TPO: variants seen among roughly 807,000 people sequenced by gnomAD.
The protein encoded by TPO is thyroid microsomal antigen.
A neutral mutation model predicts 96.9 loss-of-function variants in TPO; 78 were observed. That is an observed-to-expected ratio of 0.81 (90% CI 0.67 to 0.97). TPO has a LOEUF of 0.97. TPO is among the 50% of genes least tolerant of loss of function. TPO has a pLI of 0.00. For synonymous variants in TPO, 547 were observed against 538.0 expected, an observed-to-expected ratio of 1.02 and a Z score of -0.23; for missense variants, 1,252 against 1,274.8, an observed-to-expected ratio of 0.98 and a Z score of 0.27.
intron 5 of TPO, among the ~76,000 whole-genome samples, chr2:1,453,451 A>G (rs920036835): frequency 2.0e-5 from 3 of 152,084 alleles, no homozygotes; most frequent in Non-Finnish European, 2.9e-5. Flanking sequence ...CCACCTCCAG[A>G]CAGCATGTGC....
chr2:1,375,627 G>T (rs1344496836), intron 1 of TPO, among the ~76,000 whole-genome samples: 1 of 152,116 alleles, frequency 6.6e-6, no homozygotes, highest in Non-Finnish European at 1.5e-5. Flanking sequence ...GCCTGTTTGG[G>T]AATAAAAGGG....
At chr2:1,377,452 C>A (rs1461479463) in intron 1 of TPO, among the ~76,000 whole-genome samples, 1 of 152,182 alleles carries the variant, frequency 6.6e-6, no homozygotes, top group East Asian at 1.9e-4. Flanking sequence ...AAACCCTTAC[C>A]TCGCCGTGGC....
intron 1 of TPO, among the ~76,000 whole-genome samples, chr2:1,396,576 C>T (rs1481631666): frequency 6.6e-6 from 1 of 152,202 alleles, no homozygotes; most frequent in African/African-American, 2.4e-5. Flanking sequence ...TATGTTCTGG[C>T]ACCACATAAA....
chr2:1,485,265 T>A (rs1044121004), intron 9 of TPO, among the ~76,000 whole-genome samples: 24 of 152,314 alleles, frequency 1.6e-4, no homozygotes, highest in East Asian at 3.9e-4. Context: ...ATAGTATTCC[T>A]TGGTGTATAT....
intron 4 of TPO, among the ~76,000 whole-genome samples, chr2:1,435,254 A>G (rs888939774): frequency 6.6e-6 from 1 of 152,158 alleles, no homozygotes; most frequent in Non-Finnish European, 1.5e-5. Flanking sequence ...TCTATCGCAC[A>G]TGATTTGTTG....
intron 7 of TPO, among the ~76,000 whole-genome samples, chr2:1,459,936 T>A (rs1439354209): frequency 3.9e-5 from 4 of 102,246 alleles, no homozygotes; most frequent in African/African-American, 6.7e-5. Context: ...TAACCTGGGA[T>A]TCTTTCTTTC....
chr2:1,458,374 T>C, intron 7 of TPO, among the ~76,000 whole-genome samples: 1 of 151,840 alleles, frequency 6.6e-6, no homozygotes, highest in Non-Finnish European at 1.5e-5. Context: ...TGTGGGCACA[T>C]GTGTATATGG....
At chr2:1,515,837 C>T (rs1674643887) in intron 14 of TPO, among the ~76,000 whole-genome samples, 1 of 152,124 alleles carries the variant, frequency 6.6e-6, no homozygotes, top group South Asian at 2.1e-4. Flanking sequence ...GCTCTCTTAG[C>T]CCCAGAGCCT....
Position 1,506,622 on chromosome 2 carries a change from C to T in TPO, c.2518+2543C>T, listed in dbSNP as rs572566442. 9.8e-5 allele frequency among the ~76,000 whole-genome samples: 15 copies of T among 152,326 alleles called. No individual in the cohort carries two copies. In the South Asian group the frequency reaches 1.2e-3, roughly 13 times the overall value. ...CTCATTGTGGTTTTGATTTGCATTT[C>T]TCTGATGGCCAGTGATGGTGAGCAT... On this transcript the variant is annotated intron_variant, in intron 14 of 16. Transcript: ENST00000329066.
Position 1,505,477 on chromosome 2 carries a change from T to TC in TPO, c.2518+1405dup, listed in dbSNP as rs1428311242. On this transcript the variant is annotated intron_variant, in intron 14 of 16. Coordinates refer to ENST00000329066, the MANE Select transcript of TPO (RefSeq NM_001206744.2). Reference sequence around the variant, plus strand: ...CACCCCTCTTCCTGTGTCAGGCGCATCCCCCCCACCCCGTGTCAGGCACAC... The same window carrying TC: ...CACCCCTCTTCCTGTGTCAGGCGCATCCCCCCCCACCCCGTGTCAGGCACAC... 9.0e-4 allele frequency among the ~76,000 whole-genome samples: 29 copies of TC among 32,156 alleles called. 2 individuals carry two copies. The South Asian group carries it at 0.034, about 38-fold the overall frequency. The allele number at this position is 32,156 out of a possible 152,430, so 21.1% of individuals were successfully genotyped here.
intron 7 of TPO, among the ~76,000 whole-genome samples, chr2:1,476,050 C>T (rs28910590): frequency 6.6e-6 from 1 of 152,246 alleles, no homozygotes; most frequent in Admixed American, 6.5e-5. Context: ...GCTGCTGGCT[C>T]GCTGGCCGCA....
intron 3 of TPO, among the ~76,000 whole-genome samples, chr2:1,426,668 G>T (rs957340702): frequency 1.3e-5 from 2 of 152,180 alleles, no homozygotes; most frequent in African/African-American, 4.8e-5. Context: ...AAAAGTCCAT[G>T]CTCCTTCTGT....
intron 1 of TPO, among the ~76,000 whole-genome samples, chr2:1,380,865 T>C (rs549103961): frequency 1.3e-5 from 2 of 152,178 alleles, no homozygotes; most frequent in Non-Finnish European, 2.9e-5. Context: ...TCTGCTTCTA[T>C]GGAGGCCTCA....
chr2:1,438,431 T>C (rs1417844730), intron 5 of TPO, among the ~76,000 whole-genome samples: 5 of 152,194 alleles, frequency 3.3e-5, no homozygotes, highest in Admixed American at 3.3e-4. Context: ...ATGGAGCTCC[T>C]TGGGTTCTAG....
chr2:1,416,468 A>G (rs954460163), intron 2 of TPO, among the ~76,000 whole-genome samples: 2 of 152,248 alleles, frequency 1.3e-5, no homozygotes, highest in Non-Finnish European at 2.9e-5. Context: ...TAAAAATCAC[A>G]TTTAAAAAGC....
In TPO at chr2:1,414,359, G is replaced by T. The variant is rs1260142466; in HGVS notation, c.-1-49G>T. The T allele has an allele frequency of 3.2e-6, 5 of 1,553,850 alleles. No individual in the cohort carries two copies. In the Admixed American group the frequency reaches 8.8e-5, roughly 27 times the overall value. ...AGACAAGGACACAGCGGTTCCCATGGCCTTGTCAGTGCTTGATTACATACT... is the reference window on the plus strand; with the variant it reads ...AGACAAGGACACAGCGGTTCCCATGTCCTTGTCAGTGCTTGATTACATACT... On this transcript the variant is annotated intron_variant, in intron 1 of 16. Transcript: ENST00000329066.
intron 5 of TPO, among the ~76,000 whole-genome samples, chr2:1,444,195 C>T (rs1666521825): frequency 8.5e-6 from 1 of 117,844 alleles, no homozygotes; most frequent in African/African-American, 3.3e-5. Context: ...TTTATATGAT[C>T]CAGTTATTGC....
At chr2:1,448,912 C>T (rs980936468) in intron 5 of TPO, among the ~76,000 whole-genome samples, 5 of 152,136 alleles carry the variant, frequency 3.3e-5, no homozygotes, top group South Asian at 4.1e-4. Flanking sequence ...GTTCCCCTGA[C>T]GCCCGGCTTC....
At chr2:1,497,359 C>T (rs918948292) in intron 13 of TPO, among the ~76,000 whole-genome samples, 62 of 152,344 alleles carry the variant, frequency 4.1e-4, no homozygotes, top group Non-Finnish European at 8.4e-4. Flanking sequence ...CGGGTGTCAG[C>T]CCAGGGCACC....
Sources: gnomAD v4.1 joint callset for allele counts (sites outside exome capture counted in the v4.1 genomes callset) on GRCh38, gnomAD v4.1.1 for gene constraint, MANE v1.5 for transcripts, NCBI Gene and HGNC (gene_info 2026-07-23, HGNC 2026-07-21) for gene names.